FOXN3: variants seen among roughly 807,000 people sequenced by gnomAD.
The protein encoded by FOXN3 is forkhead box N3, also known as forkhead box protein N3.
FOXN3 carries 7 observed loss-of-function variants against 38.4 expected under a neutral mutation model. The ratio of observed to expected loss-of-function variants is 0.18; its 90% CI spans 0.10 to 0.34. The LOEUF (loss-of-function observed/expected upper bound fraction) is 0.34. Among genes scored for constraint, FOXN3 ranks in the 10% least tolerant of loss-of-function variants. The pLI is 1.00. For missense variants in FOXN3, 456 were observed against 613.4 expected (o/e 0.74, Z 2.71); for synonymous variants, 230 against 242.2 (o/e 0.95, Z 0.47).
At chr14:89,473,772 A>G (rs1344847616) in intron 1 of FOXN3, among the ~76,000 whole-genome samples, 1 of 152,032 alleles carries the variant, frequency 6.6e-6, no homozygotes, top group Non-Finnish European at 1.5e-5. Flanking sequence ...GAGTTTTAAA[A>G]CTCCAGATGT....
rs531476813 is a variant in FOXN3 at position 89,596,207 on chromosome 14, G to A, written c.-15+22821C>T. On this transcript the variant is annotated intron_variant, in intron 1 of 6. Coordinates refer to the FOXN3 transcript ENST00000345097. ...GGCTGGAGTGCAGTGGCACAATCTC[G>A]GCTCACTGCAACCTCCGCCTCCCCG... 1.0e-3 allele frequency among the ~76,000 whole-genome samples: 154 copies of A among 152,168 alleles called. 2 individuals are homozygous for A. The highest frequency in any genetic ancestry group is 3.4e-3 in the African/African-American group (142 of 41,522).
intron 1 of FOXN3, among the ~76,000 whole-genome samples, chr14:89,473,870 AT>A (rs1489180116): frequency 6.6e-6 from 1 of 152,232 alleles, no homozygotes; most frequent in Non-Finnish European, 1.5e-5. Flanking sequence ...TCAATTTGTC[AT>A]TTTATTTAAT....
At chr14:89,336,967 G>A (rs1402234832) in intron 3 of FOXN3, among the ~76,000 whole-genome samples, 1 of 152,132 alleles carries the variant, frequency 6.6e-6, no homozygotes, top group East Asian at 1.9e-4. Flanking sequence ...TAGAAAGAGG[G>A]AACTTCAAAG....
intron 4 of FOXN3, among the ~76,000 whole-genome samples, chr14:89,280,477 C>G (rs114441754): frequency 6.6e-6 from 1 of 152,142 alleles, no homozygotes; most frequent in African/African-American, 2.4e-5. Context: ...CCACGGCCAA[C>G]CTTCCAGGTA....
rs1887153762 is a variant in FOXN3 at position 89,163,268 on chromosome 14, C to T, written c.852-299G>A. The stretch of plus-strand genomic sequence containing the variant: ...ACAGTGGTGGAGGCTCCATCTCTTA[C>T]ATTAAACCATAAAAATCAAGCTGTG... On this transcript the variant is annotated intron_variant, in intron 5 of 5. Coordinates refer to ENST00000557258, the MANE Select transcript of FOXN3 (RefSeq NM_005197.4). This position sits in a 1 kb window ranked among gnomAD's most constrained non-coding sequence, Gnocchi z 4.3. Among the ~76,000 whole-genome samples the T allele has an allele frequency of 6.6e-6, 1 of 152,210 alleles. No homozygotes were observed. Among genetic ancestry groups the T allele is most frequent in the Non-Finnish European group, 1.5e-5 (1 of 68,030 alleles).
At chr14:89,511,247 T>TTTTTCTTTCTTTTC in intron 1 of FOXN3, among the ~76,000 whole-genome samples, 1 of 11,298 alleles carries the variant, frequency 8.9e-5, no homozygotes, top group African/African-American at 1.5e-4. Context: ...CTTTTCTTTC[T>TTTTTCTTTCTTTTC]TTTCTTTCTT....
rs1353970410 is a variant in FOXN3 at position 89,416,114 on chromosome 14, G to C, written c.-15+757C>G. On this transcript the variant is annotated intron_variant, in intron 1 of 5. Transcript: ENST00000557258. Reference sequence around the variant, plus strand: ...GAGTTTGGGGGGCCGGGTCACCCCCGCCCACCCAGCACGCGCGCGCGCGCA... The same window carrying C: ...GAGTTTGGGGGGCCGGGTCACCCCCCCCCACCCAGCACGCGCGCGCGCGCA... Among the ~76,000 whole-genome samples the C allele has an allele frequency of 4.6e-5, 7 of 152,134 alleles. No homozygotes were observed. In the East Asian group the frequency reaches 1.3e-3, roughly 29 times the overall value.
At position 89,241,960 on chromosome 14, in the gene FOXN3, C is replaced by T. The variant is rs75742928; in HGVS notation, c.745+38990G>A. Among the ~76,000 whole-genome samples, 1,374 of 152,308 alleles carry T rather than the reference C, an allele frequency of 9.0e-3. 7 individuals are homozygous for T. The highest frequency in any genetic ancestry group is 0.012 in the Non-Finnish European group (807 of 68,028). On this transcript the variant is annotated intron_variant, in intron 4 of 5. Transcript: ENST00000557258. ...TTTTTTCTCCATGCTGCTGCTCCCCCGGACAAGGCGTCAGGACCAGGTAGG... is the reference window on the plus strand; with the variant it reads ...TTTTTTCTCCATGCTGCTGCTCCCCTGGACAAGGCGTCAGGACCAGGTAGG...
intron 1 of FOXN3, among the ~76,000 whole-genome samples, chr14:89,479,266 T>A (rs1358762742): frequency 6.6e-6 from 1 of 152,184 alleles, no homozygotes; most frequent in African/African-American, 2.4e-5. Context: ...GAAGCCTGTG[T>A]TGTTTTCATT....
At chr14:89,263,914 A>C (rs1199822082) in intron 4 of FOXN3, 1 of 152,350 alleles carries the variant, frequency 6.6e-6, no homozygotes, top group African/African-American at 2.4e-5. Context: ...TCAGTCAGGC[A>C]TGGTGGCAGG....
At chr14:89,453,972 G>A (rs1255147988) in intron 1 of FOXN3, among the ~76,000 whole-genome samples, 1 of 151,672 alleles carries the variant, frequency 6.6e-6, no homozygotes, top group Non-Finnish European at 1.5e-5. Flanking sequence ...GATCGTGAGG[G>A]TGGGGTCCCC....
chr14:89,173,123 G>A (rs551892503), intron 5 of FOXN3, among the ~76,000 whole-genome samples: 2 of 152,264 alleles, frequency 1.3e-5, no homozygotes, highest in Admixed American at 6.5e-5. Context: ...AAGAAAAAAG[G>A]GAACCCAGTA....
At chr14:89,616,946 AC>A (rs1896507107) in intron 1 of FOXN3, among the ~76,000 whole-genome samples, 1 of 152,206 alleles carries the variant, frequency 6.6e-6, no homozygotes, top group Non-Finnish European at 1.5e-5. Flanking sequence ...TCAGGTTTCA[AC>A]AGATGCTGTG....
intron 1 of FOXN3, among the ~76,000 whole-genome samples, chr14:89,511,141 TTTTCTTTCTTTCTTTCTTTC>T (rs1251992345): frequency 1.9e-4 from 4 of 20,996 alleles, no homozygotes; most frequent in African/African-American, 3.7e-4. Context: ...TCTTTCTTTC[TTTTCTTTCTTTCTTTCTTTC>T]TTTCTTTCTT....
intron 4 of FOXN3, among the ~76,000 whole-genome samples, chr14:89,258,415 G>A (rs759180048): frequency 1.3e-5 from 2 of 152,202 alleles, no homozygotes; most frequent in Non-Finnish European, 2.9e-5. Flanking sequence ...GGGAGATGAT[G>A]ATGATGACGA....
At chr14:89,575,246 TCACTCTAA>T (rs1378321732) in intron 1 of FOXN3, among the ~76,000 whole-genome samples, 1 of 152,150 alleles carries the variant, frequency 6.6e-6, no homozygotes, top group Non-Finnish European at 1.5e-5. Flanking sequence ...ATAGTTAAGA[TCACTCTAA>T]GATGACCTTG....
At chr14:89,441,202 G>C (rs1202087391) in intron 1 of FOXN3, among the ~76,000 whole-genome samples, 1 of 151,966 alleles carries the variant, frequency 6.6e-6, no homozygotes, top group Non-Finnish European at 1.5e-5. Flanking sequence ...CCTCCTCCCT[G>C]CCTCGATTCA....
At chr14:89,400,420 C>A (rs1891215799) in intron 2 of FOXN3, among the ~76,000 whole-genome samples, 1 of 152,202 alleles carries the variant, frequency 6.6e-6, no homozygotes, top group Admixed American at 6.5e-5. Flanking sequence ...ATATAGGAAA[C>A]TTCCTGACAG....
chr14:89,216,362 G>A (rs1884282106), intron 4 of FOXN3, among the ~76,000 whole-genome samples: 2 of 152,172 alleles, frequency 1.3e-5, no homozygotes, highest in Non-Finnish European at 2.9e-5. Context: ...ATAGGTCAAA[G>A]GGGAAAATGT....
Sources: gnomAD v4.1 joint callset for allele counts (sites outside exome capture counted in the v4.1 genomes callset) on GRCh38, gnomAD v4.1.1 for gene constraint, Gnocchi (gnomAD v3.1) non-coding constraint, MANE v1.5 for transcripts, NCBI Gene and HGNC (gene_info 2026-07-23, HGNC 2026-07-21) for gene names.